PRIMA1: variants seen among roughly 807,000 people sequenced by gnomAD.
The protein encoded by PRIMA1 is proline rich membrane anchor 1.
Under a neutral mutation model 17.5 loss-of-function variants are expected in PRIMA1, and 7 were observed. The ratio of observed to expected loss-of-function variants is 0.40; its 90% CI spans 0.23 to 0.75. PRIMA1 has a LOEUF of 0.75. PRIMA1 is among the 30% of genes least tolerant of loss of function. The pLI, the probability that PRIMA1 is intolerant of heterozygous loss-of-function variation, is 0.37. For missense variants in PRIMA1, 200 were observed against 201.8 expected (o/e 0.99, Z 0.05); for synonymous variants, 97 against 77.9 (o/e 1.25, Z -1.29).
At chr14:93,784,428 G>A (rs1416150207) in intron 2 of PRIMA1, among the ~76,000 whole-genome samples, 1 of 152,098 alleles carries the variant, frequency 6.6e-6, no homozygotes, top group African/African-American at 2.4e-5. Flanking sequence ...TTGGCTTCCC[G>A]AAGTGTTGGG....
At chr14:93,750,082 T>C (rs1229377226) in intron 3 of PRIMA1, among the ~76,000 whole-genome samples, 1 of 151,942 alleles carries the variant, frequency 6.6e-6, no homozygotes, top group Non-Finnish European at 1.5e-5. Context: ...CTTGGGAGGC[T>C]GAGGCAGGAG....
intron 3 of PRIMA1, among the ~76,000 whole-genome samples, chr14:93,746,117 G>T (rs1007352013): frequency 3.3e-5 from 5 of 152,074 alleles, no homozygotes; most frequent in Admixed American, 3.3e-4. Flanking sequence ...GTCGCAGCCG[G>T]GCCTGGTTGT....
chr14:93,735,897 C>G (rs778621720), intron 4 of PRIMA1, among the ~76,000 whole-genome samples: 4 of 152,148 alleles, frequency 2.6e-5, no homozygotes, highest in Non-Finnish European at 5.9e-5. Flanking sequence ...CCATGTGGGT[C>G]AGGCTGGTCT....
chr14:93,757,202 G>A (rs1566971750), intron 3 of PRIMA1, among the ~76,000 whole-genome samples: 2 of 107,144 alleles, frequency 1.9e-5, no homozygotes, highest in Non-Finnish European at 3.5e-5. Context: ...TTTAAAAAAA[G>A]GAAGGAAGGA....
At position 93,726,945 on chromosome 14, in the gene PRIMA1, A is replaced by G. The variant is rs2076081763; in HGVS notation, c.360-5399T>C. Among the ~76,000 whole-genome samples the G allele has an allele frequency of 6.6e-6, 1 of 152,196 alleles. No homozygotes were observed. On this transcript the variant is annotated intron_variant, in intron 4 of 4. Coordinates refer to ENST00000393140, the MANE Select transcript of PRIMA1 (RefSeq NM_178013.4). This position sits in a 1 kb window ranked among gnomAD's most constrained non-coding sequence, Gnocchi z 4.2. ...CCTACAGACATATATCCCCACACTCATATACACACACACTCAGCGTTCCAT... is the reference window on the plus strand; with the variant it reads ...CCTACAGACATATATCCCCACACTCGTATACACACACACTCAGCGTTCCAT...
rs796392395 is a variant in PRIMA1 at position 93,756,626 on chromosome 14, T to A, written c.230-19256A>T. 5.9e-5 allele frequency among the ~76,000 whole-genome samples: 9 copies of A among 151,794 alleles called. 1 individual carries two copies. The highest frequency in any genetic ancestry group is 2.2e-4 in the African/African-American group (9 of 41,478). ...CCCAGCCAGATGCCAACTACTCTCA[T>A]GTGTACAGCATCGGCCCCAGCACGT... On this transcript the variant is annotated intron_variant, in intron 3 of 4. Transcript: ENST00000393140.
chr14:93,787,006 G>C (rs1200687087), intron 2 of PRIMA1, among the ~76,000 whole-genome samples: 3 of 148,616 alleles, frequency 2.0e-5, no homozygotes, highest in Non-Finnish European at 4.5e-5. Context: ...CACTGTACCA[G>C]TGACGATGCG....
At chr14:93,759,509 ATGTGTGTGTG>A (rs1201520232) in intron 3 of PRIMA1, among the ~76,000 whole-genome samples, 12 of 148,682 alleles carry the variant, frequency 8.1e-5, no homozygotes, top group African/African-American at 2.1e-4. Flanking sequence ...GTGCGTGTGC[ATGTGTGTGTG>A]CGTGTGTGTG....
chr14:93,784,670 G>T (rs1308483122), intron 2 of PRIMA1, among the ~76,000 whole-genome samples: 4 of 152,086 alleles, frequency 2.6e-5, no homozygotes, highest in Non-Finnish European at 5.9e-5. Context: ...GGGCTGTTCT[G>T]TCTGCCTGGA....
intron 3 of PRIMA1, among the ~76,000 whole-genome samples, chr14:93,775,683 G>A (rs768730530): frequency 1.3e-5 from 2 of 152,204 alleles, no homozygotes; most frequent in Non-Finnish European, 2.9e-5. Flanking sequence ...TGAGCTCAAG[G>A]AGGACCAAGA....
At chr14:93,742,626 C>T (rs191764734) in intron 3 of PRIMA1, among the ~76,000 whole-genome samples, 4 of 152,226 alleles carry the variant, frequency 2.6e-5, no homozygotes, top group Admixed American at 2.0e-4. Context: ...CGTGTGGACC[C>T]ACCCAAGGTC....
intron 3 of PRIMA1, 93 bp downstream of exon 3, chr14:93,779,083 G>A (rs1885304612): frequency 5.0e-5 from 45 of 900,514 alleles, no homozygotes; most frequent in Non-Finnish European, 6.9e-5. Flanking sequence ...AATTACCAAG[G>A]AGGCAGGGCT....
intron 3 of PRIMA1, among the ~76,000 whole-genome samples, chr14:93,739,795 G>A (rs1344563913): frequency 1.3e-5 from 2 of 152,156 alleles, no homozygotes; most frequent in Admixed American, 1.3e-4. Flanking sequence ...CTTCCTGATG[G>A]TGGTTCACGC....
At chr14:93,725,075 A>T (rs75463999) in intron 4 of PRIMA1, among the ~76,000 whole-genome samples, 218 of 152,152 alleles carry the variant, frequency 1.4e-3, no homozygotes, top group African/African-American at 5.1e-3. Context: ...GCTAAGCAGG[A>T]AGTGAGCCTG....
intron 2 of PRIMA1, among the ~76,000 whole-genome samples, chr14:93,780,322 C>T (rs1310952722): frequency 6.6e-6 from 1 of 152,240 alleles, no homozygotes; most frequent in African/African-American, 2.4e-5. Context: ...TCATACCTAT[C>T]TTCACCATGG....
chr14:93,773,592 C>T (rs61980277), intron 3 of PRIMA1, among the ~76,000 whole-genome samples: 54,439 of 152,048 alleles, frequency 0.36, 9,941 homozygotes, highest in Middle Eastern at 0.53. Flanking sequence ...GTGGGCAGAG[C>T]CTGAAAAACC....
chr14:93,750,150 T>C (rs1473458175), intron 3 of PRIMA1, among the ~76,000 whole-genome samples: 7 of 152,076 alleles, frequency 4.6e-5, no homozygotes, highest in Non-Finnish European at 2.9e-5. Context: ...ATCGTGCCAC[T>C]GCACCGTAGC....
chr14:93,787,520 C>T (rs943234694), intron 2 of PRIMA1, 106 bp downstream of exon 2: 1 of 1,479,070 alleles, frequency 6.8e-7, no homozygotes, highest in East Asian at 2.5e-5. Context: ...CTTCCGAGAA[C>T]CAATCAGTGG....
intron 3 of PRIMA1, among the ~76,000 whole-genome samples, chr14:93,754,436 TG>T (rs1009218144): frequency 9.9e-5 from 14 of 140,896 alleles, no homozygotes; most frequent in East Asian, 4.5e-4. Flanking sequence ...GGGGCCATGG[TG>T]GGGGGGGCCT....
Sources: allele counts gnomAD v4.1 joint callset (sites outside exome capture counted in the v4.1 genomes callset), GRCh38; gene constraint gnomAD v4.1.1; non-coding constraint Gnocchi (gnomAD v3.1); transcripts MANE v1.5; gene names NCBI Gene and HGNC (gene_info 2026-07-23, HGNC 2026-07-21).